UNC5A: variants seen among roughly 807,000 people sequenced by gnomAD.
The protein encoded by UNC5A is netrin receptor UNC5A.
Under a neutral mutation model 87.4 loss-of-function variants are expected in UNC5A, and 20 were observed. The observed-to-expected ratio is 0.23, with a 90% CI of 0.16 to 0.33. The LOEUF (loss-of-function observed/expected upper bound fraction) is 0.33, where lower values mean the gene tolerates loss of function less well. UNC5A is among the 10% of genes least tolerant of loss of function. The pLI is 1.00. For missense variants in UNC5A, 844 were observed against 1,133.4 expected (o/e 0.74, Z 3.67); for synonymous variants, 438 against 482.3 (o/e 0.91, Z 1.20).
intron 1 of UNC5A, among the ~76,000 whole-genome samples, chr5:176,827,116 T>TA (rs2113598010): frequency 6.6e-6 from 1 of 152,008 alleles, no homozygotes; most frequent in East Asian, 1.9e-4. Flanking sequence ...CTCTTTCGCT[T>TA]AGCATAATGT....
chr5:176,880,103 GC>G lies in UNC5A; in HGVS notation c.*221del. 1.7e-6 allele frequency: 1 copy of G among 602,596 alleles called. No homozygotes were observed. 37.3% of individuals were successfully genotyped at this position (602,596 alleles called of 1,614,324 possible). On this transcript the variant is annotated 3_prime_UTR_variant, in exon 15 of 15. Coordinates refer to ENST00000329542, the MANE Select transcript of UNC5A (RefSeq NM_133369.3). ...AGGCTGGCACTGCCACTCACACTCG[GC>G]CCCAGGGCCCAGGAGGGACAGTGCC... is the stretch of plus-strand genomic sequence containing the variant.
intron 1 of UNC5A, among the ~76,000 whole-genome samples, chr5:176,822,575 G>A (rs1756753830): frequency 6.6e-6 from 1 of 152,212 alleles, no homozygotes; most frequent in African/African-American, 2.4e-5. Flanking sequence ...TGTGTCTCCA[G>A]GACATGCAGA....
intron 1 of UNC5A, among the ~76,000 whole-genome samples, chr5:176,816,312 G>C (rs1009662917): frequency 6.6e-5 from 10 of 152,254 alleles, no homozygotes; most frequent in Non-Finnish European, 1.3e-4. Context: ...TGGGGACTGA[G>C]TCCCAACCCC....
chr5:176,860,075 AC>A (rs1757796295), intron 1 of UNC5A, among the ~76,000 whole-genome samples: 1 of 151,948 alleles, frequency 6.6e-6, no homozygotes, highest in Admixed American at 6.6e-5. Flanking sequence ...AGGGCCGCAC[AC>A]CCCCTCCCTG....
chr5:176,861,379 G>T (rs1374449429), intron 1 of UNC5A, among the ~76,000 whole-genome samples: 3 of 152,212 alleles, frequency 2.0e-5, no homozygotes, highest in African/African-American at 7.2e-5. Flanking sequence ...AGAGGCCCCT[G>T]AACCCTCGGT....
intron 1 of UNC5A, among the ~76,000 whole-genome samples, chr5:176,847,553 G>T (rs1757441790): frequency 6.6e-6 from 1 of 152,046 alleles, no homozygotes; most frequent in South Asian, 2.1e-4. Flanking sequence ...AATGCCCTTG[G>T]TTTGCTGTAT....
chr5:176,879,868 G>A lies in UNC5A; in HGVS notation c.2511G>A (p.Val837=), dbSNP rs778779055. 3 of 1,611,856 alleles carry A rather than the reference G, an allele frequency of 1.9e-6. No homozygotes were observed. Among genetic ancestry groups the A allele is most frequent in the South Asian group, 1.1e-5 (1 of 91,044 alleles). ...LGQPDAGLFT[V]SEAEC ...AGCCAGACGCTGGCCTCTTCACAGTGTCGGAGGCTGAGTGCTGAGGCCGGC... is the reference window on the plus strand; with the variant it reads ...AGCCAGACGCTGGCCTCTTCACAGTATCGGAGGCTGAGTGCTGAGGCCGGC... The change falls in exon 15 of 15, where the codon GTG becomes GTA. Residue 837 remains valine, a synonymous_variant. Coordinates refer to ENST00000329542, the MANE Select transcript of UNC5A (RefSeq NM_133369.3).
rs141837987 is a variant in UNC5A at position 176,865,664 on chromosome 5, G to A, written c.293-2466G>A. 429 of 456,704 alleles carry A rather than the reference G, an allele frequency of 9.4e-4. 1 individual carries two copies. Among genetic ancestry groups the A allele is most frequent in the African/African-American group, 7.5e-3 (379 of 50,208 alleles). 28.3% of individuals were successfully genotyped at this position (456,704 alleles called of 1,614,324 possible). ...TACCCACGGCAGATACCACGGCAGTGGCGCCACGCCGCCAAAGACCAAAGA... is the reference window on the plus strand; with the variant it reads ...TACCCACGGCAGATACCACGGCAGTAGCGCCACGCCGCCAAAGACCAAAGA... On this transcript the variant is annotated intron_variant, in intron 2 of 14. Transcript: ENST00000329542. The surrounding 1 kb of genome is among the most constrained non-coding windows in gnomAD (Gnocchi z 5.3).
rs186825944 is a variant in UNC5A at position 176,875,352 on chromosome 5, C to T, written c.1378+786C>T. On this transcript the variant is annotated intron_variant, in intron 8 of 14. Transcript: ENST00000329542. This position sits in a 1 kb window ranked among gnomAD's most constrained non-coding sequence, Gnocchi z 5.2. ...AGACTCCTGGTGCCTAAAACAGAAC[C>T]GTCTCCCACCCTCCCCCAGAGCCTC... Among the ~76,000 whole-genome samples the T allele has an allele frequency of 6.6e-6, 1 of 152,228 alleles. No individual in the cohort carries two copies. The highest frequency in any genetic ancestry group is 1.9e-4 in the East Asian group (1 of 5,160).
At position 176,879,995 on chromosome 5, in the gene UNC5A, G is replaced by T. The variant is rs748157226; in HGVS notation, c.*109G>T. 7.2e-7 allele frequency: 1 copy of T among 1,385,322 alleles called. No individual in the cohort carries two copies. Among genetic ancestry groups the T allele is most frequent in the Non-Finnish European group, 9.6e-7 (1 of 1,044,032 alleles). 85.8% of individuals were successfully genotyped at this position (1,385,322 alleles called of 1,614,324 possible). ...ACACCGGGGAGAGCTGCTCGGACAGGCCCCCTCCCGGCCGAAGCTGTCCCT... is the reference window on the plus strand; with the variant it reads ...ACACCGGGGAGAGCTGCTCGGACAGTCCCCCTCCCGGCCGAAGCTGTCCCT... On this transcript the variant is annotated 3_prime_UTR_variant, in exon 15 of 15. Coordinates refer to ENST00000329542, the MANE Select transcript of UNC5A (RefSeq NM_133369.3).
chr5:176,835,729 A>ATGTG (rs55990257), intron 1 of UNC5A, among the ~76,000 whole-genome samples: 89,979 of 145,212 alleles, frequency 0.62, 31,811 homozygotes, highest in Non-Finnish European at 0.78. Flanking sequence ...TTGATAAAGG[A>ATGTG]TGTGTGTGTG....
chr5:176,878,210 G>T, intron 11 of UNC5A, 34 bp from the exon 12 acceptor site: 1 of 1,604,920 alleles, frequency 6.2e-7, no homozygotes. Context: ...GCGCAGTGGG[G>T]AGGGGCCTGG....
rs943069693 is a variant in UNC5A, at chr5:176,844,351, A to G, written c.71-18273A>G. Among the ~76,000 whole-genome samples the G allele has an allele frequency of 3.9e-5, 6 of 152,132 alleles. No individual in the cohort carries two copies. The highest frequency in any genetic ancestry group is 1.2e-4 in the African/African-American group (5 of 41,442). The stretch of plus-strand genomic sequence containing the variant: ...GGAGTCCCAGGGTGGAGGTGGGCCC[A>G]GATCTGTGCAGGGCCCAGCCTCACT... On this transcript the variant is annotated intron_variant, in intron 1 of 14. Coordinates refer to ENST00000329542, the MANE Select transcript of UNC5A (RefSeq NM_133369.3). The surrounding 1 kb of genome is among the most constrained non-coding windows in gnomAD (Gnocchi z 4.2).
At chr5:176,870,694 C>A in intron 6 of UNC5A, 160 bp downstream of exon 6, 1 of 833,352 alleles carries the variant, frequency 1.2e-6, no homozygotes, top group Non-Finnish European at 1.8e-6. Flanking sequence ...CATACCTGCA[C>A]ATGGGCCCAG....
At chr5:176,811,999 C>T (rs1396545746) in intron 1 of UNC5A, among the ~76,000 whole-genome samples, 1 of 152,086 alleles carries the variant, frequency 6.6e-6, no homozygotes, top group East Asian at 1.9e-4. Flanking sequence ...CTCTGCGCAG[C>T]GCATCCTGCA....
At chr5:176,878,833 G>T (rs1366881306) in intron 13 of UNC5A, among the ~76,000 whole-genome samples, 194 bp downstream of exon 13, 2 of 152,184 alleles carry the variant, frequency 1.3e-5, no homozygotes, top group Non-Finnish European at 2.9e-5. Context: ...GTGCAAATGG[G>T]ACTTGGGGAG....
chr5:176,811,189 T>TC (rs1756443511), intron 1 of UNC5A, among the ~76,000 whole-genome samples: 1 of 152,152 alleles, frequency 6.6e-6, no homozygotes, highest in Admixed American at 6.5e-5. Flanking sequence ...TTTGAGCCTA[T>TC]CCCAGTGCCC....
chr5:176,876,809 G>A (rs905693780), intron 8 of UNC5A, among the ~76,000 whole-genome samples: 6 of 152,304 alleles, frequency 3.9e-5, no homozygotes, highest in Admixed American at 3.3e-4. Flanking sequence ...AGAGGCAAAG[G>A]CCCTTCAATG....
chr5:176,858,394 G>T (rs890281766), intron 1 of UNC5A, among the ~76,000 whole-genome samples: 5 of 152,176 alleles, frequency 3.3e-5, no homozygotes, highest in Non-Finnish European at 2.9e-5. Context: ...CAGAGACCTG[G>T]AGGTGGGAAG....
Sources: allele counts gnomAD v4.1 joint callset (sites outside exome capture counted in the v4.1 genomes callset), GRCh38; gene constraint gnomAD v4.1.1; non-coding constraint Gnocchi (gnomAD v3.1); transcripts MANE v1.5; gene names NCBI Gene and HGNC (gene_info 2026-07-23, HGNC 2026-07-21).